TSHZ2: variants seen among roughly 807,000 people sequenced by gnomAD.
The protein encoded by TSHZ2 is teashirt homolog 2.
A neutral mutation model predicts 74.4 loss-of-function variants in TSHZ2; 21 were observed. The ratio of observed to expected loss-of-function variants is 0.28; its 90% CI spans 0.20 to 0.41. The LOEUF is 0.41. TSHZ2 is among the 10% of genes least tolerant of loss of function. The pLI, the probability that TSHZ2 is intolerant of heterozygous loss-of-function variation, is 1.00. For synonymous variants in TSHZ2, 540 were observed against 515.3 expected, an observed-to-expected ratio of 1.05 and a Z score of -0.65; for missense variants, 1,244 against 1,293.5, an observed-to-expected ratio of 0.96 and a Z score of 0.59.
chr20:52,998,859 A>C (rs1417961318), intron 1 of TSHZ2, among the ~76,000 whole-genome samples: 2 of 152,220 alleles, frequency 1.3e-5, no homozygotes, highest in African/African-American at 2.4e-5. Context: ...CTGGCTACTT[A>C]GTTTATCTCT....
At chr20:53,058,186 G>A (rs568255746) in intron 1 of TSHZ2, among the ~76,000 whole-genome samples, 1 of 152,206 alleles carries the variant, frequency 6.6e-6, no homozygotes, top group African/African-American at 2.4e-5. Flanking sequence ...AGACTCTCTG[G>A]CCCACCGCTC....
At position 53,393,186 on chromosome 20, in the gene TSHZ2, G is replaced by T. The variant is rs751712470; in HGVS notation, c.*9-93958G>T. On this transcript the variant is annotated intron_variant, in intron 2 of 2. Coordinates refer to ENST00000371497, the MANE Select transcript of TSHZ2 (RefSeq NM_173485.6). The stretch of plus-strand genomic sequence containing the variant: ...TATCCTCCACCCTCAAATATGCTTC[G>T]ATGTCTATTGTCTCCTTCTTTGTGT... Among the ~76,000 whole-genome samples the T allele has an allele frequency of 1.3e-5, 2 of 152,126 alleles. 1 individual carries two copies. Among genetic ancestry groups the T allele is most frequent in the East Asian group, 3.9e-4 (2 of 5,164 alleles).
At chr20:53,353,626 A>G (rs1164236722) in intron 2 of TSHZ2, among the ~76,000 whole-genome samples, 1 of 152,242 alleles carries the variant, frequency 6.6e-6, no homozygotes, top group African/African-American at 2.4e-5. Context: ...TTAACAGCAT[A>G]CAACTGAGCA....
intron 1 of TSHZ2, among the ~76,000 whole-genome samples, chr20:53,059,506 C>T (rs577416643): frequency 3.3e-5 from 5 of 152,102 alleles, no homozygotes. Context: ...AAATCTGTAT[C>T]GATAACAGAG....
intron 2 of TSHZ2, among the ~76,000 whole-genome samples, chr20:53,281,274 G>T (rs1167031763): frequency 6.6e-6 from 1 of 152,200 alleles, no homozygotes; most frequent in Admixed American, 6.5e-5. Flanking sequence ...AAGCAGCCAG[G>T]CATCCACTGA....
intron 2 of TSHZ2, among the ~76,000 whole-genome samples, chr20:53,296,518 G>A (rs1314654003): frequency 6.6e-6 from 1 of 152,142 alleles, no homozygotes; most frequent in South Asian, 2.1e-4. Flanking sequence ...GGTCAGCTGG[G>A]CTAGCATTTC....
intron 2 of TSHZ2, among the ~76,000 whole-genome samples, chr20:53,413,364 G>A (rs577335112): frequency 6.6e-6 from 1 of 152,366 alleles, no homozygotes; most frequent in South Asian, 2.1e-4. Context: ...TGCAGGTGCT[G>A]GACTTAGAAA....
intron 1 of TSHZ2, among the ~76,000 whole-genome samples, 197 bp from the exon 2 acceptor site, chr20:53,253,301 GA>G (rs11290209): frequency 0.16 from 15,370 of 97,526 alleles, 842 homozygotes; most frequent in African/African-American, 0.23. Context: ...CCTGCCAATT[GA>G]AAAAAAAAAA....
rs376082594 is a variant in TSHZ2 at position 53,042,068 on chromosome 20, G to A, written c.40+68735G>A. Among the ~76,000 whole-genome samples, 5 of 152,040 alleles carry A rather than the reference G, an allele frequency of 3.3e-5. No homozygotes were observed. In the East Asian group the frequency reaches 5.8e-4, roughly 18 times the overall value. ...CAAATGTGGGAAAAAAAAAACATAT[G>A]CCCATGACATTCTCTTATATAAATG... On this transcript the variant is annotated intron_variant, in intron 1 of 2. Coordinates refer to ENST00000371497, the MANE Select transcript of TSHZ2 (RefSeq NM_173485.6).
At chr20:53,418,937 T>G (rs2145712266) in intron 2 of TSHZ2, among the ~76,000 whole-genome samples, 1 of 152,280 alleles carries the variant, frequency 6.6e-6, no homozygotes, top group Middle Eastern at 3.4e-3. Flanking sequence ...AAAGCCAAAA[T>G]GTAAACATCC....
At chr20:52,982,839 A>T (rs996273150) in intron 1 of TSHZ2, among the ~76,000 whole-genome samples, 1 of 152,174 alleles carries the variant, frequency 6.6e-6, no homozygotes, top group African/African-American at 2.4e-5. Context: ...AAAAAAAGTG[A>T]GAGACTAGCC....
rs191089697 is a variant in TSHZ2, at chr20:53,166,083, A to G, written c.41-87416A>G. Among the ~76,000 whole-genome samples the G allele has an allele frequency of 4.0e-3, 608 of 152,344 alleles. 3 individuals carry two copies. Among genetic ancestry groups the G allele is most frequent in the African/African-American group, 0.013 (554 of 41,576 alleles). The stretch of plus-strand genomic sequence containing the variant: ...ACTAATACAAGTTGAAGATTTGTCT[A>G]GAATGGGCTGTGACGACAACTGGAC... On this transcript the variant is annotated intron_variant, in intron 1 of 2. Transcript: ENST00000371497.
intron 1 of TSHZ2, among the ~76,000 whole-genome samples, chr20:53,011,441 C>T (rs573011479): frequency 6.6e-6 from 1 of 152,322 alleles, no homozygotes; most frequent in Admixed American, 6.5e-5. Context: ...CAACAGTGTT[C>T]ATTCATCTAA....
intron 1 of TSHZ2, among the ~76,000 whole-genome samples, chr20:53,081,663 G>GTGT (rs1248498901): frequency 6.6e-6 from 1 of 152,114 alleles, no homozygotes; most frequent in East Asian, 1.9e-4. Flanking sequence ...ATTTATCACG[G>GTGT]TGTTTATAAA....
intron 2 of TSHZ2, among the ~76,000 whole-genome samples, chr20:53,300,595 C>A (rs1224412747): frequency 1.3e-5 from 2 of 152,222 alleles, no homozygotes; most frequent in African/African-American, 4.8e-5. Context: ...ATTCCCCCTT[C>A]CCCCTCCATG....
intron 2 of TSHZ2, among the ~76,000 whole-genome samples, chr20:53,268,745 G>A (rs768779631): frequency 1.3e-5 from 2 of 152,152 alleles, no homozygotes; most frequent in East Asian, 3.8e-4. Flanking sequence ...TTCTTCATGC[G>A]GGCATGGTGA....
At chr20:52,999,576 G>A (rs1175510682) in intron 1 of TSHZ2, among the ~76,000 whole-genome samples, 1 of 152,202 alleles carries the variant, frequency 6.6e-6, no homozygotes, top group Non-Finnish European at 1.5e-5. Context: ...GGTGTCGTAT[G>A]TGACCATAAA....
chr20:53,251,184 T>G (rs1378243945), intron 1 of TSHZ2, among the ~76,000 whole-genome samples: 2 of 152,178 alleles, frequency 1.3e-5, no homozygotes, highest in African/African-American at 4.8e-5. Context: ...TGTTGTCACA[T>G]GTCTTAGTTG....
intron 2 of TSHZ2, among the ~76,000 whole-genome samples, chr20:53,354,310 A>G (rs759286580): frequency 6.6e-6 from 1 of 152,216 alleles, no homozygotes; most frequent in Non-Finnish European, 1.5e-5. Context: ...TTTGCCCCTC[A>G]AGTGAATAGT....
Sources: gnomAD v4.1 joint callset for allele counts (sites outside exome capture counted in the v4.1 genomes callset) on GRCh38, gnomAD v4.1.1 for gene constraint, MANE v1.5 for transcripts, NCBI Gene and HGNC (gene_info 2026-07-23, HGNC 2026-07-21) for gene names.